The following CBLB variants were observed in gnomAD, a reference collection of about 807,000 sequenced individuals.
CBLB encodes Cbl proto-oncogene B.
In CBLB, 31 loss-of-function variants were observed where a neutral mutation model predicts 104.9. That is an observed-to-expected ratio of 0.30 (90% CI 0.22 to 0.40). CBLB has a LOEUF of 0.40. CBLB is among the 10% of genes least tolerant of loss of function. The pLI is 1.00. For missense variants in CBLB, 1,062 were observed against 1,214.6 expected, an observed-to-expected ratio of 0.87 and a Z score of 1.87; for synonymous variants, 440 against 422.6, an observed-to-expected ratio of 1.04 and a Z score of -0.51.
At chr3:105,749,551 T>G (rs761639368) in intron 5 of CBLB, 3 of 157,480 alleles carry the variant, frequency 1.9e-5, no homozygotes, top group Middle Eastern at 1.7e-3. Flanking sequence ...AATATATAAC[T>G]GCAAGGAATT....
chr3:105,702,716 T>C (rs193203026), intron 11 of CBLB, among the ~76,000 whole-genome samples: 134 of 152,226 alleles, frequency 8.8e-4, no homozygotes, highest in African/African-American at 2.9e-3. Context: ...TGTTAAGTTA[T>C]AGAAATGATA....
intron 6 of CBLB, among the ~76,000 whole-genome samples, chr3:105,741,377 T>C (rs923368957): frequency 3.3e-5 from 5 of 150,444 alleles, no homozygotes; most frequent in East Asian, 2.0e-4. Context: ...TTTGTTGTTG[T>C]TGTTATTTTG....
intron 6 of CBLB, among the ~76,000 whole-genome samples, chr3:105,741,370 GTTGTTGTTGTTATT>G (rs1254325882): frequency 3.4e-5 from 5 of 148,750 alleles, no homozygotes; most frequent in Non-Finnish European, 3.0e-5. Flanking sequence ...TTGTATTTTT[GTTGTTGTTGTTATT>G]TTGTTGTTGT....
chr3:105,842,249 C>T (rs781520967), intron 3 of CBLB, among the ~76,000 whole-genome samples: 2 of 152,190 alleles, frequency 1.3e-5, no homozygotes, highest in Non-Finnish European at 2.9e-5. Context: ...AATGCTGTCC[C>T]TCTGTGACTA....
At chr3:105,660,202 G>A (rs925822770) in intron 18 of CBLB, among the ~76,000 whole-genome samples, 5 of 152,118 alleles carry the variant, frequency 3.3e-5, no homozygotes, top group Non-Finnish European at 7.4e-5. Context: ...ACGTATACAT[G>A]AGATGGAGTT....
rs778932559 is a variant in CBLB at position 105,853,603 on chromosome 3, A to G, written c.230T>C (p.Ile77Thr). The G allele has an allele frequency of 1.2e-6, 2 of 1,610,756 alleles. No homozygotes were observed. Among genetic ancestry groups the G allele is most frequent in the Non-Finnish European group, 1.7e-6 (2 of 1,177,470 alleles). Reference protein sequence around the residue: ...LKNSPPYILDILPDTYQHLRL... With the variant: ...LKNSPPYILDTLPDTYQHLRL... The stretch of plus-strand genomic sequence containing the variant: ...TAAATGCTGATATGTATCAGGCAAA[A>G]TATCAAGTATATATGGTGGGCTATT... The change falls in exon 3 of 19, where the codon ATT (isoleucine) becomes ACT (threonine). Residue 77 changes from isoleucine to threonine, a missense_variant. Transcript: ENST00000394030.
chr3:105,744,484 T>C (rs1443937023), intron 6 of CBLB, among the ~76,000 whole-genome samples: 2 of 152,176 alleles, frequency 1.3e-5, no homozygotes, highest in Non-Finnish European at 2.9e-5. Context: ...CTCTCCTTAG[T>C]CTAAATAGAA....
At chr3:105,861,301 C>T (rs1408846251) in intron 2 of CBLB, among the ~76,000 whole-genome samples, 1 of 151,922 alleles carries the variant, frequency 6.6e-6, no homozygotes, top group East Asian at 1.9e-4. Context: ...TACTTATTTA[C>T]CCACTTAAAT....
In CBLB at chr3:105,720,067, G is replaced by T. The variant is rs779755160; in HGVS notation, c.1387C>A (p.Arg463=). The T allele has an allele frequency of 6.2e-7, 1 of 1,613,738 alleles. No individual in the cohort carries two copies. Among genetic ancestry groups the T allele is most frequent in the Non-Finnish European group, 8.5e-7 (1 of 1,179,726 alleles). The change falls in exon 10 of 19, where the codon CGG becomes AGG. Residue 463 remains arginine, a synonymous_variant. Transcript: ENST00000394030. ...TTTACCTTTCGGACGTTTGCCAACC[G>T]ATTCATCATCAAGGACTCCTCACGA... is the stretch of plus-strand genomic sequence containing the variant. ...DDREESLMMN[R]LANVRKCTDR... is the part of the protein sequence containing the mutation.
chr3:105,711,406 A>G (rs1190812253), intron 10 of CBLB, among the ~76,000 whole-genome samples: 1 of 152,068 alleles, frequency 6.6e-6, no homozygotes, highest in African/African-American at 2.4e-5. Context: ...CAGTTTTTTC[A>G]CTTTATTTTG....
intron 6 of CBLB, among the ~76,000 whole-genome samples, chr3:105,742,210 T>C (rs2075671787): frequency 6.6e-6 from 1 of 152,238 alleles, no homozygotes; most frequent in Admixed American, 6.5e-5. Flanking sequence ...TATTTTAATA[T>C]TCGAGCTGCT....
chr3:105,739,066 C>T (rs893995563), intron 7 of CBLB, among the ~76,000 whole-genome samples: 2 of 152,160 alleles, frequency 1.3e-5, no homozygotes, highest in Admixed American at 6.5e-5. Flanking sequence ...CGCCACCATG[C>T]CCAGCTAATT....
At chr3:105,774,694 G>A (rs1396235180) in intron 4 of CBLB, among the ~76,000 whole-genome samples, 2 of 152,094 alleles carry the variant, frequency 1.3e-5, no homozygotes, top group African/African-American at 4.8e-5. Context: ...GGGAAATAAA[G>A]ATGTCTCAAA....
intron 9 of CBLB, among the ~76,000 whole-genome samples, chr3:105,732,440 T>C (rs2074416258): frequency 6.6e-6 from 1 of 151,870 alleles, no homozygotes; most frequent in Non-Finnish European, 1.5e-5. Context: ...TAAAAGGAAA[T>C]AAGGGAGAGG....
intron 3 of CBLB, among the ~76,000 whole-genome samples, chr3:105,804,662 T>C (rs975010344): frequency 2.6e-5 from 4 of 152,182 alleles, no homozygotes; most frequent in Admixed American, 6.5e-5. Flanking sequence ...AATATTAACA[T>C]AGCTACTAGA....
intron 3 of CBLB, among the ~76,000 whole-genome samples, chr3:105,850,729 T>C (rs2090835384): frequency 6.6e-6 from 1 of 152,182 alleles, no homozygotes; most frequent in African/African-American, 2.4e-5. Flanking sequence ...CAATTCAGTC[T>C]TTGCCAGCCC....
chr3:105,794,642 G>A (rs1310869952), intron 3 of CBLB, among the ~76,000 whole-genome samples: 1 of 152,070 alleles, frequency 6.6e-6, no homozygotes, highest in African/African-American at 2.4e-5. Flanking sequence ...GAAACTATGC[G>A]TACCTTATCG....
intron 4 of CBLB, among the ~76,000 whole-genome samples, chr3:105,773,899 T>C (rs1490836491): frequency 6.6e-6 from 1 of 152,244 alleles, no homozygotes; most frequent in Non-Finnish European, 1.5e-5. Flanking sequence ...ACTGTTCCCC[T>C]TGGGCCACAA....
At chr3:105,663,919 A>AAG (rs2064085372) in intron 18 of CBLB, among the ~76,000 whole-genome samples, 1 of 150,166 alleles carries the variant, frequency 6.7e-6, no homozygotes, top group Admixed American at 6.6e-5. Context: ...AAAAAAAAAA[A>AAG]GTGTCCAAAA....
Sources: allele counts gnomAD v4.1 joint callset (sites outside exome capture counted in the v4.1 genomes callset), GRCh38; gene constraint gnomAD v4.1.1; transcripts MANE v1.5; gene names NCBI Gene and HGNC (gene_info 2026-07-23, HGNC 2026-07-21).